RABGEF1: variants seen among roughly 807,000 people sequenced by gnomAD.
RABGEF1 encodes the protein RAB guanine nucleotide exchange factor 1.
A neutral mutation model predicts 57.3 loss-of-function variants in RABGEF1; 26 were observed. That is an observed-to-expected ratio of 0.45 (90% CI 0.33 to 0.63). The LOEUF is 0.63. RABGEF1 is among the 20% of genes least tolerant of loss of function. The probability of loss-of-function intolerance (pLI) is 0.02; values close to 1 mark genes in which losing one functional copy is unlikely to be tolerated. For missense variants in RABGEF1, 464 were observed against 607.6 expected (o/e 0.76, Z 2.48); for synonymous variants, 185 against 210.7 (o/e 0.88, Z 1.06).
intron 2 of RABGEF1, among the ~76,000 whole-genome samples, chr7:66,772,569 A>C (rs1175938836): frequency 3.3e-5 from 5 of 152,172 alleles, no homozygotes; most frequent in African/African-American, 4.8e-5. Flanking sequence ...TATATTTAAA[A>C]ATTAGGTTAG....
At chr7:66,714,654 G>A (rs1269271811) in intron 2 of RABGEF1, among the ~76,000 whole-genome samples, 1 of 152,036 alleles carries the variant, frequency 6.6e-6, no homozygotes, top group Admixed American at 6.6e-5. Flanking sequence ...AGAAATTTAG[G>A]GCCAGGCGCA....
the RABGEF1 span, among the ~76,000 whole-genome samples, chr7:66,667,783 C>CTTAT: frequency 2.0e-5 from 3 of 152,118 alleles, no homozygotes; most frequent in Non-Finnish European, 2.9e-5. Flanking sequence ...TCCCATTTTA[C>CTTAT]TTATTTATTT....
At position 66,748,142 on chromosome 7, in the gene RABGEF1, G is replaced by C. The variant is rs3778905; in HGVS notation, c.-18+7350G>C. ...GATTCCCAAAGACTTTCCAGCATGC[G>C]TTTCAAAGGGCTGGGTGTCGAGTTT... On this transcript the variant is annotated intron_variant, in intron 1 of 8. Transcript: ENST00000284957. Among the ~76,000 whole-genome samples the C allele has an allele frequency of 5.5e-4, 83 of 152,254 alleles. 2 individuals carry two copies. The East Asian group carries it at 0.016, about 29-fold the overall frequency.
At chr7:66,773,985 A>C in intron 2 of RABGEF1, 1 of 346,162 alleles carries the variant, frequency 2.9e-6, no homozygotes, top group Non-Finnish European at 5.7e-6. Flanking sequence ...GAATTAATAC[A>C]GGTGGTTCAC....
At chr7:66,719,510 A>T (rs1231093726) in intron 2 of RABGEF1, among the ~76,000 whole-genome samples, 1 of 152,192 alleles carries the variant, frequency 6.6e-6, no homozygotes, top group Admixed American at 6.5e-5. Context: ...AATTTTTTTT[A>T]TGTAAATCTT....
chr7:66,797,871 T>C (rs1038498305), intron 6 of RABGEF1, among the ~76,000 whole-genome samples: 1 of 152,216 alleles, frequency 6.6e-6, no homozygotes, highest in African/African-American at 2.4e-5. Flanking sequence ...GGCTCATACC[T>C]GTAATCCCAG....
Position 66,683,229 on chromosome 7 carries a change from C to T in RABGEF1, c.-873+971C>T, listed in dbSNP as rs1283200053. On this transcript the variant is annotated intron_variant and NMD_transcript_variant, in intron 1 of 9. Transcript: ENST00000607882. ...CTGGCCTTAAGCGATCCTCCCGCCT[C>T]GGCCTCCCAGAGTGCTGGGATTAGA... Among the ~76,000 whole-genome samples, 5 of 152,144 alleles carry T rather than the reference C, an allele frequency of 3.3e-5. No homozygotes were observed. The South Asian group carries it at 1.0e-3, about 31-fold the overall frequency.
Position 66,734,717 on chromosome 7 carries a change from G to T in RABGEF1, c.-814-5279G>T, listed in dbSNP as rs866611887. ...TAAACTGCTGGGATTACAGGTGTGA[G>T]CCACCGTGCCTGGCCCCAAAGGAGC... On this transcript the variant is annotated intron_variant and NMD_transcript_variant, in intron 2 of 9. Transcript: ENST00000607882. Among the ~76,000 whole-genome samples the T allele has an allele frequency of 5.9e-5, 9 of 151,608 alleles. No homozygotes were observed. In the South Asian group the frequency reaches 1.9e-3, roughly 32 times the overall value.
At chr7:66,703,267 T>C (rs1292517049) in intron 1 of RABGEF1, among the ~76,000 whole-genome samples, 1 of 152,202 alleles carries the variant, frequency 6.6e-6, no homozygotes, top group Non-Finnish European at 1.5e-5. Flanking sequence ...CCACCGTGCC[T>C]GGCCTGTATG....
chr7:66,705,299 A>G (rs1793847850), intron 1 of RABGEF1, among the ~76,000 whole-genome samples: 1 of 151,974 alleles, frequency 6.6e-6, no homozygotes, highest in Admixed American at 6.6e-5. Flanking sequence ...TGAACATTTT[A>G]GCTCTCCCAA....
chr7:66,747,634 C>T (rs1343565369), intron 1 of RABGEF1, among the ~76,000 whole-genome samples: 1 of 151,994 alleles, frequency 6.6e-6, no homozygotes, highest in Non-Finnish European at 1.5e-5. Context: ...TTTGTAGTTC[C>T]TCTGTTGTAC....
chr7:66,677,064 T>G, the RABGEF1 span, among the ~76,000 whole-genome samples: 3 of 152,192 alleles, frequency 2.0e-5, no homozygotes, highest in African/African-American at 7.2e-5. Flanking sequence ...ATGCTTACAT[T>G]TAGGTTTTTG....
At chr7:66,738,527 C>T (rs893483729), upstream of RABGEF1, among the ~76,000 whole-genome samples, 2 of 151,762 alleles carry the variant, frequency 1.3e-5, no homozygotes, top group South Asian at 2.1e-4. Flanking sequence ...TCCAGGAGTT[C>T]GAGACCAGCC....
At chr7:66,688,106 A>AG (rs1462650161) in intron 1 of RABGEF1, among the ~76,000 whole-genome samples, 34 of 136,290 alleles carry the variant, frequency 2.5e-4, no homozygotes, top group African/African-American at 8.1e-4. Context: ...AAAAAAAAAA[A>AG]AGTAACCAAA....
chr7:66,723,158 G>A (rs867947578), intron 2 of RABGEF1, among the ~76,000 whole-genome samples: 7 of 152,062 alleles, frequency 4.6e-5, no homozygotes, highest in Non-Finnish European at 1.0e-4. Context: ...TAGTAGAGAC[G>A]GGGTTTCACC....
chr7:66,757,721 C>T (rs1447498932), intron 1 of RABGEF1, among the ~76,000 whole-genome samples: 1 of 152,196 alleles, frequency 6.6e-6, no homozygotes, highest in African/African-American at 2.4e-5. Context: ...ATGCCATTCT[C>T]CTGCCTCAGC....
At chr7:66,676,598 TTTA>T in the RABGEF1 span, among the ~76,000 whole-genome samples, 9 of 152,332 alleles carry the variant, frequency 5.9e-5, no homozygotes, top group African/African-American at 2.2e-4. Flanking sequence ...GGATTGCCTT[TTTA>T]TTCTGAGACA....
intron 1 of RABGEF1, among the ~76,000 whole-genome samples, chr7:66,686,261 A>C (rs923841039): frequency 5.7e-4 from 87 of 151,890 alleles, no homozygotes; most frequent in African/African-American, 2.0e-3. Flanking sequence ...ATCCTGGGCA[A>C]CAAAGTGAGA....
Position 66,811,379 on chromosome 7 carries a change from T to A in RABGEF1, c.*2095T>A, listed in dbSNP as rs191967044. The A allele has an allele frequency of 6.6e-6, 1 of 152,406 alleles. No homozygotes were observed. Among genetic ancestry groups the A allele is most frequent in the East Asian group, 1.9e-4 (1 of 5,184 alleles). The allele number at this position is 152,406 out of a possible 1,614,324, so 9.4% of individuals were successfully genotyped here. ...TTTGCAATAAGAAGATGTTGGTATT[T>A]TATGTAGGGTAAATGTGACTGGAAT... On this transcript the variant is annotated 3_prime_UTR_variant, in exon 9 of 9. Transcript: ENST00000284957.
Sources: gnomAD v4.1 joint callset for allele counts (sites outside exome capture counted in the v4.1 genomes callset) on GRCh38, gnomAD v4.1.1 for gene constraint, MANE v1.5 for transcripts, NCBI Gene and HGNC (gene_info 2026-07-23, HGNC 2026-07-21) for gene names.